The following USP15 variants were observed in gnomAD, a reference collection of about 807,000 sequenced individuals.
The protein encoded by USP15 is ubiquitin carboxyl-terminal hydrolase 15.
In USP15, 18 loss-of-function variants were observed where a neutral mutation model predicts 127.1. The observed-to-expected ratio is 0.14, with a 90% CI of 0.10 to 0.21. The LOEUF is 0.21. USP15 is among the 10% of genes least tolerant of loss of function. USP15 has a pLI of 1.00. For synonymous variants in USP15, 364 were observed against 393.7 expected (o/e 0.92, Z 0.89); for missense variants, 805 against 1,159.9 (o/e 0.69, Z 4.44).
chr12:62,400,574 G>A (rs1397093322), intron 20 of USP15, among the ~76,000 whole-genome samples: 1 of 145,594 alleles, frequency 6.9e-6, no homozygotes, highest in Non-Finnish European at 1.5e-5. Flanking sequence ...GCACAGGACC[G>A]ACTACACTTT....
chr12:62,268,040 A>G (rs1375801241), intron 1 of USP15, among the ~76,000 whole-genome samples: 1 of 152,130 alleles, frequency 6.6e-6, no homozygotes, highest in Non-Finnish European at 1.5e-5. Context: ...CTAAGTATTT[A>G]TATGTACCAC....
At chr12:62,391,705 C>T in intron 16 of USP15, 111 bp from the exon 17 acceptor site, 1 of 1,020,644 alleles carries the variant, frequency 9.8e-7, no homozygotes, top group Non-Finnish European at 1.4e-6. Context: ...ATCACCAGTA[C>T]AAGTAGAAAA....
chr12:62,319,675 A>AT (rs2064930029), intron 4 of USP15, among the ~76,000 whole-genome samples: 1 of 152,132 alleles, frequency 6.6e-6, no homozygotes, highest in Non-Finnish European at 1.5e-5. Context: ...ATGTTCCCCC[A>AT]TATGTAAATT....
chr12:62,392,422 C>T lies in USP15; in HGVS notation c.2420+35C>T, dbSNP rs760522571. On this transcript the variant is annotated intron_variant, in intron 18 of 21. Transcript: ENST00000280377. Reference sequence around the variant, plus strand: ...AAAATTAAATAATTGTTTTTGTTTTCTTTAAGGATTTATTCTGAGATATGT... The same window carrying T: ...AAAATTAAATAATTGTTTTTGTTTTTTTTAAGGATTTATTCTGAGATATGT... 4 of 1,470,632 alleles carry T rather than the reference C, an allele frequency of 2.7e-6. No individual in the cohort carries two copies. In the Admixed American group the frequency reaches 8.6e-5, roughly 32 times the overall value. 91.1% of individuals were successfully genotyped at this position (1,470,632 alleles called of 1,614,324 possible). A position where few individuals can be genotyped will look rare whatever the true frequency, so the allele number is the denominator to read the frequency against.
intron 1 of USP15, among the ~76,000 whole-genome samples, chr12:62,270,277 A>C (rs1319262109): frequency 6.6e-6 from 1 of 152,042 alleles, no homozygotes; most frequent in Non-Finnish European, 1.5e-5. Context: ...CTTATTAAAT[A>C]GTTAATTTAC....
At chr12:62,369,374 AT>A (rs1420453182) in intron 8 of USP15, among the ~76,000 whole-genome samples, 1 of 152,068 alleles carries the variant, frequency 6.6e-6, no homozygotes, top group African/African-American at 2.4e-5. Flanking sequence ...CACCTCAGAA[AT>A]TCCCGTATCA....
At position 62,397,134 on chromosome 12, in the gene USP15, CAGTT is replaced by C. The variant is rs538361381; in HGVS notation, c.2674+737_2674+740del. Among the ~76,000 whole-genome samples the C allele has an allele frequency of 2.5e-3, 387 of 152,302 alleles. 2 individuals are homozygous for C. The highest frequency in any genetic ancestry group is 4.4e-3 in the Non-Finnish European group (301 of 68,026). On this transcript the variant is annotated intron_variant, in intron 20 of 21. Coordinates refer to ENST00000280377, the MANE Select transcript of USP15 (RefSeq NM_001252078.2). The stretch of plus-strand genomic sequence containing the variant: ...TTATCATTATATATTTTTAGACACA[CAGTT>C]GGATTCAGTCAGATTTATTTAGGGT...
chr12:62,373,707 C>G (rs915496440), intron 8 of USP15, among the ~76,000 whole-genome samples: 2 of 151,642 alleles, frequency 1.3e-5, no homozygotes, highest in Non-Finnish European at 3.0e-5. Flanking sequence ...TAAGTTTGTT[C>G]TTTTTTTAAA....
intron 8 of USP15, among the ~76,000 whole-genome samples, chr12:62,376,070 A>T (rs1421827263): frequency 6.6e-6 from 1 of 152,086 alleles, no homozygotes; most frequent in East Asian, 1.9e-4. Context: ...AAACTTTCCA[A>T]CCAGTCATTA....
chr12:62,301,384 C>T lies in USP15; in HGVS notation c.218-1406C>T, dbSNP rs139713701. 1.9e-3 allele frequency among the ~76,000 whole-genome samples: 289 copies of T among 152,204 alleles called. 2 individuals are homozygous for T. Among genetic ancestry groups the T allele is most frequent in the African/African-American group, 6.6e-3 (273 of 41,550 alleles). ...CATTTTATCCATATGACCGATTGTA[C>T]ACAAATGGTCATACAGTGTTATTTG... On this transcript the variant is annotated intron_variant, in intron 2 of 21. Transcript: ENST00000280377.
At chr12:62,336,159 G>C in intron 6 of USP15, 1 of 985,282 alleles carries the variant, frequency 1.0e-6, no homozygotes, top group Non-Finnish European at 1.2e-6. Flanking sequence ...ACCATAGTAG[G>C]TGTTCAAAAT....
At chr12:62,267,639 C>G (rs1430725320) in intron 1 of USP15, among the ~76,000 whole-genome samples, 1 of 152,010 alleles carries the variant, frequency 6.6e-6, no homozygotes, top group African/African-American at 2.4e-5. Flanking sequence ...CAGATATTAG[C>G]GTGGTAATTC....
chr12:62,284,202 A>C (rs969495769), intron 1 of USP15, among the ~76,000 whole-genome samples: 1 of 152,250 alleles, frequency 6.6e-6, no homozygotes, highest in African/African-American at 2.4e-5. Context: ...TTGTAAGTGT[A>C]ATGTACTTCC....
intron 1 of USP15, among the ~76,000 whole-genome samples, chr12:62,270,615 A>G (rs188401925): frequency 6.6e-6 from 1 of 152,224 alleles, no homozygotes; most frequent in Non-Finnish European, 1.5e-5. Flanking sequence ...TTTGTCAAAA[A>G]GATCATTCTT....
intron 8 of USP15, among the ~76,000 whole-genome samples, chr12:62,379,380 G>A (rs56402690): frequency 0.1 from 15,676 of 152,044 alleles, 848 homozygotes; most frequent in Middle Eastern, 0.17. Flanking sequence ...AAGAATTTGG[G>A]CTTCCAATCT....
intron 6 of USP15, among the ~76,000 whole-genome samples, chr12:62,340,592 T>C (rs1032206261): frequency 6.6e-6 from 1 of 152,226 alleles, no homozygotes; most frequent in African/African-American, 2.4e-5. Flanking sequence ...TTTGTTCTCA[T>C]TGGTTTCAAA....
At chr12:62,364,732 C>T (rs1001552101) in intron 8 of USP15, among the ~76,000 whole-genome samples, 2 of 151,718 alleles carry the variant, frequency 1.3e-5, no homozygotes, top group East Asian at 3.9e-4. Context: ...CCCCAACAAG[C>T]CCTGGTGTGT....
chr12:62,368,123 G>A (rs1406683334), intron 8 of USP15, among the ~76,000 whole-genome samples: 1 of 152,152 alleles, frequency 6.6e-6, no homozygotes, highest in Non-Finnish European at 1.5e-5. Flanking sequence ...GCAGTTTTGA[G>A]TGAGTTTCTT....
intron 1 of USP15, among the ~76,000 whole-genome samples, chr12:62,268,778 A>G (rs1565801479): frequency 1.3e-5 from 2 of 152,150 alleles, no homozygotes; most frequent in Non-Finnish European, 2.9e-5. Context: ...ATACCTTACA[A>G]TTTGCCCACT....
Sources: gnomAD v4.1 joint callset for allele counts (sites outside exome capture counted in the v4.1 genomes callset) on GRCh38, gnomAD v4.1.1 for gene constraint, MANE v1.5 for transcripts, NCBI Gene and HGNC (gene_info 2026-07-23, HGNC 2026-07-21) for gene names.